TRAF3IP1: variants seen among roughly 807,000 people sequenced by gnomAD.
The protein encoded by TRAF3IP1 is TRAF3-interacting protein 1.
Under a neutral mutation model 89.9 loss-of-function variants are expected in TRAF3IP1, and 53 were observed. That is an observed-to-expected ratio of 0.59 (90% CI 0.47 to 0.74). The LOEUF (loss-of-function observed/expected upper bound fraction) is 0.74. TRAF3IP1 is among the 30% of genes least tolerant of loss of function. TRAF3IP1 has a pLI of 0.00. For missense variants in TRAF3IP1, 806 were observed against 866.1 expected (o/e 0.93, Z 0.87); for synonymous variants, 311 against 322.1 (o/e 0.97, Z 0.37).
At chr2:238,334,987 A>G (rs1041723153) in intron 7 of TRAF3IP1, among the ~76,000 whole-genome samples, 1 of 152,184 alleles carries the variant, frequency 6.6e-6, no homozygotes, top group Non-Finnish European at 1.5e-5. Context: ...GGTCCTTGTC[A>G]TCGCGTGTGA....
At chr2:238,344,351 G>T in intron 8 of TRAF3IP1, 146 bp from the exon 9 acceptor site, 1 of 656,326 alleles carries the variant, frequency 1.5e-6, no homozygotes. Flanking sequence ...TTTTCTAAAA[G>T]CTGCCTTTGG....
intron 3 of TRAF3IP1, among the ~76,000 whole-genome samples, chr2:238,327,695 TCTC>T (rs1203159826): frequency 2.0e-5 from 3 of 152,072 alleles, no homozygotes; most frequent in Non-Finnish European, 4.4e-5. Context: ...CCAGGACTCT[TCTC>T]CTTGCAAAAC....
In TRAF3IP1 at chr2:238,378,803, C is replaced by A. The variant is rs182322280; in HGVS notation, c.1690-18656C>A. ...TTTGATCTGAAGCCGGGACCCCCCC[C>A]CAGGCCCCAGGCTGCTGGGTCAGAA... On this transcript the variant is annotated intron_variant, in intron 15 of 16. Transcript: ENST00000373327. Among the ~76,000 whole-genome samples, 273 of 152,308 alleles carry A rather than the reference C, an allele frequency of 1.8e-3. 4 individuals are homozygous for A. The East Asian group carries it at 0.03, about 17-fold the overall frequency.
rs914016187 is a variant in TRAF3IP1, at chr2:238,399,627, C to G, written c.*708C>G. 5 of 152,022 alleles carry G rather than the reference C, an allele frequency of 3.3e-5. No individual in the cohort carries two copies. The highest frequency in any genetic ancestry group is 5.9e-5 in the Non-Finnish European group (4 of 68,012). 9.4% of individuals were successfully genotyped at this position (152,022 alleles called of 1,614,324 possible). A position where few individuals can be genotyped will look rare whatever the true frequency, so the allele number is the denominator to read the frequency against. On this transcript the variant is annotated 3_prime_UTR_variant, in exon 17 of 17. Transcript: ENST00000373327. ...TATGGACGTTGTCTGGACATACATC[C>G]TCACTTTCTTCCGCAGTTTACCCTG...
Position 238,398,793 on chromosome 2 carries a change from C to T in TRAF3IP1, c.1950C>T (p.Leu650=), listed in dbSNP as rs780636980. ...DCAVEPLKAE[L]AELEQLIKDQ... is the part of the protein sequence containing the mutation. ...CCGTGGAGCCCTTAAAGGCTGAGCT[C>T]GCGGAGCTGGAGCAGCTGATCAAAG... The change falls in exon 17 of 17, where the codon CTC becomes CTT. Residue 650 remains leucine, a synonymous_variant. Coordinates refer to ENST00000373327, the MANE Select transcript of TRAF3IP1 (RefSeq NM_015650.4). The T allele has an allele frequency of 3.0e-5, 49 of 1,611,974 alleles. No individual in the cohort carries two copies. The highest frequency in any genetic ancestry group is 2.9e-4 in the East Asian group (13 of 44,858).
intron 15 of TRAF3IP1, among the ~76,000 whole-genome samples, chr2:238,361,176 A>G (rs763279077): frequency 4.8e-4 from 73 of 151,442 alleles, no homozygotes; most frequent in Non-Finnish European, 9.6e-4. Flanking sequence ...TCTCCCGAGT[A>G]GCTGGGACTA....
chr2:238,373,537 C>T (rs1468806394), intron 15 of TRAF3IP1, among the ~76,000 whole-genome samples: 2 of 152,132 alleles, frequency 1.3e-5, no homozygotes, highest in East Asian at 3.9e-4. Flanking sequence ...TTACTGTAGC[C>T]TTGTAGTATA....
chr2:238,398,687 CTTAA>C (rs1553622076), intron 16 of TRAF3IP1, 63 bp from the exon 17 acceptor site: 3 of 1,404,424 alleles, frequency 2.1e-6, no homozygotes, highest in Non-Finnish European at 9.4e-7. Context: ...CTTTCAATGT[CTTAA>C]TTAAGAAGCC....
chr2:238,382,769 C>T (rs890933270), intron 15 of TRAF3IP1, among the ~76,000 whole-genome samples: 2 of 151,870 alleles, frequency 1.3e-5, no homozygotes, highest in African/African-American at 4.8e-5. Flanking sequence ...CTCCCTGCCC[C>T]TCCATCTCTC....
At chr2:238,325,711 T>C in intron 2 of TRAF3IP1, 98 bp from the exon 3 acceptor site, 1 of 1,227,276 alleles carries the variant, frequency 8.1e-7, no homozygotes, top group East Asian at 2.4e-5. Context: ...CAGCTTTGTA[T>C]GTAAACAGAA....
intron 7 of TRAF3IP1, among the ~76,000 whole-genome samples, chr2:238,337,976 A>G (rs1218378969): frequency 2.0e-5 from 3 of 152,216 alleles, no homozygotes; most frequent in African/African-American, 7.2e-5. Context: ...GTTTACGGAC[A>G]TGGACCTTTG....
At chr2:238,328,172 A>G (rs1021869764) in intron 3 of TRAF3IP1, among the ~76,000 whole-genome samples, 5 of 152,236 alleles carry the variant, frequency 3.3e-5, no homozygotes, top group African/African-American at 1.2e-4. Context: ...ACTATTTTCC[A>G]TAATGGCTGC....
chr2:238,348,888 C>G (rs781470343), intron 11 of TRAF3IP1, 40 bp downstream of exon 11: 1 of 1,544,122 alleles, frequency 6.5e-7, no homozygotes, highest in African/African-American at 1.4e-5. Context: ...GCAGAGTGAT[C>G]ACACCTAGGA....
chr2:238,396,831 G>A (rs1372283955), intron 15 of TRAF3IP1, among the ~76,000 whole-genome samples: 1 of 152,142 alleles, frequency 6.6e-6, no homozygotes, highest in Non-Finnish European at 1.5e-5. Context: ...TCCCTGAGCG[G>A]CCAGCACAGT....
At chr2:238,375,649 T>C (rs1401273224) in intron 15 of TRAF3IP1, among the ~76,000 whole-genome samples, 1 of 152,218 alleles carries the variant, frequency 6.6e-6, no homozygotes, top group Non-Finnish European at 1.5e-5. Flanking sequence ...TTAGTTCTGC[T>C]TGGTCCAGAG....
At chr2:238,349,469 C>T (rs1699048790) in intron 12 of TRAF3IP1, 61 bp downstream of exon 12, 1 of 1,523,902 alleles carries the variant, frequency 6.6e-7, no homozygotes, top group South Asian at 1.1e-5. Flanking sequence ...GGGCATGGTG[C>T]CTCCGCTAAG....
In TRAF3IP1 at chr2:238,397,489, A is replaced by G. The variant is rs533397279; in HGVS notation, c.1720A>G (p.Lys574Glu). ...ERSLFESAWK[K>E]EKDIVSKEIE... ...ATCTCTCTTTGAGTCGGCATGGAAG[A>G]AGGAGAAGGACATCGTTTCCAAGGA... is the stretch of plus-strand genomic sequence containing the variant. The change falls in exon 16 of 17, where the codon AAG (lysine) becomes GAG (glutamate). Residue 574 changes from lysine (K) to glutamate (E), a missense_variant. Physicochemically the swap from Lys to Glu is moderately conservative, Grantham distance 56. This residue lies in a region of TRAF3IP1 where 732 missense variants were observed against 780.5 expected (regional missense o/e 0.94). Transcript: ENST00000373327. 6.2e-7 allele frequency: 1 copy of G among 1,613,026 alleles called. No homozygotes were observed. The highest frequency in any genetic ancestry group is 8.5e-7 in the Non-Finnish European group (1 of 1,179,904).
At chr2:238,391,397 A>G (rs564044713) in intron 15 of TRAF3IP1, among the ~76,000 whole-genome samples, 1 of 152,372 alleles carries the variant, frequency 6.6e-6, no homozygotes, top group South Asian at 2.1e-4. Context: ...ATATATCTAC[A>G]TGAGCAACAT....
At chr2:238,336,080 C>T (rs1698377487) in intron 7 of TRAF3IP1, among the ~76,000 whole-genome samples, 1 of 152,130 alleles carries the variant, frequency 6.6e-6, no homozygotes, top group South Asian at 2.1e-4. Context: ...CTGTAAGCCA[C>T]TGTGCCTGGC....
Sources: allele counts gnomAD v4.1 joint callset (sites outside exome capture counted in the v4.1 genomes callset), GRCh38; gene constraint gnomAD v4.1.1; regional missense constraint gnomAD v4.1.1; transcripts MANE v1.5; gene names NCBI Gene and HGNC (gene_info 2026-07-23, HGNC 2026-07-21).